PTPN9: variants seen among roughly 807,000 people sequenced by gnomAD.
The protein encoded by PTPN9 is protein tyrosine phosphatase non-receptor type 9.
Under a neutral mutation model 69.8 loss-of-function variants are expected in PTPN9, and 26 were observed. The ratio of observed to expected loss-of-function variants is 0.37; its 90% CI spans 0.27 to 0.52. PTPN9 has a LOEUF of 0.52. Ranked by LOEUF, PTPN9 falls within the 20% of genes least tolerant of loss-of-function variation. PTPN9 has a pLI of 0.91. For synonymous variants in PTPN9, 274 were observed against 272.5 expected, an observed-to-expected ratio of 1.01 and a Z score of -0.05; for missense variants, 549 against 740.3, an observed-to-expected ratio of 0.74 and a Z score of 3.00.
In PTPN9 at chr15:75,527,270, C is replaced by CAAAG. The variant is rs778459145; in HGVS notation, c.64-13_64-10dup. On this transcript the variant is annotated splice_polypyrimidine_tract_variant and intron_variant, in intron 1 of 12. Coordinates refer to ENST00000618819, the MANE Select transcript of PTPN9 (RefSeq NM_002833.4). ...AGAAACTGCTTGGTAGCCTGTTTGACAAAGAAAGAAAGAATAATTAGTAAG... is the reference window on the plus strand; with the variant it reads ...AGAAACTGCTTGGTAGCCTGTTTGACAAAGAAAGAAAGAAAGAATAATTAGTAAG... The CAAAG allele has an allele frequency of 6.2e-7, 1 of 1,612,886 alleles. No individual in the cohort carries two copies. The highest frequency in any genetic ancestry group is 1.3e-5 in the African/African-American group (1 of 74,850).
intron 7 of PTPN9, among the ~76,000 whole-genome samples, chr15:75,502,549 GTATGTATATATA>G (rs1451247259): frequency 6.6e-6 from 1 of 152,090 alleles, no homozygotes; most frequent in Non-Finnish European, 1.5e-5. Context: ...ATATATGTAT[GTATGTATATATA>G]GTTATCAACT....
chr15:75,550,006 G>A (rs1288515432), intron 1 of PTPN9, among the ~76,000 whole-genome samples: 2 of 148,786 alleles, frequency 1.3e-5, no homozygotes, highest in East Asian at 4.0e-4. Flanking sequence ...AAACTGTCTT[G>A]ATAAACTCCT....
At chr15:75,544,371 AC>A (rs1357867946) in intron 1 of PTPN9, among the ~76,000 whole-genome samples, 1 of 152,118 alleles carries the variant, frequency 6.6e-6, no homozygotes, top group Non-Finnish European at 1.5e-5. Context: ...AATCTCCACA[AC>A]ATATGAAAAT....
rs558931990 is a variant in PTPN9, at chr15:75,498,385, A to G, written c.968+7290T>C. On this transcript the variant is annotated intron_variant, in intron 7 of 12. Coordinates refer to ENST00000618819, the MANE Select transcript of PTPN9 (RefSeq NM_002833.4). ...TAGATTAGTGGTTGCAGGGGTTAGG[A>G]ATGGGGAGGTGGTGGGAAGGAGGTA... Among the ~76,000 whole-genome samples, 598 of 151,938 alleles carry G rather than the reference A, an allele frequency of 3.9e-3. 7 individuals carry two copies. The highest frequency in any genetic ancestry group is 0.014 in the African/African-American group (565 of 41,412).
At chr15:75,480,755 T>C (rs1430270270) in intron 8 of PTPN9, 57 of 1,242,686 alleles carry the variant, frequency 4.6e-5, no homozygotes, top group Non-Finnish European at 5.2e-5. Context: ...TCTCAGTCTT[T>C]GCCGCCGCGC....
intron 1 of PTPN9, among the ~76,000 whole-genome samples, chr15:75,545,793 A>T (rs1313709936): frequency 6.6e-6 from 1 of 152,200 alleles, no homozygotes; most frequent in African/African-American, 2.4e-5. Flanking sequence ...TACTAAAAAT[A>T]CAAAAATTAG....
chr15:75,548,650 A>C (rs1408671261), intron 1 of PTPN9, among the ~76,000 whole-genome samples: 2 of 148,804 alleles, frequency 1.3e-5, no homozygotes, highest in African/African-American at 5.0e-5. Flanking sequence ...AGACAAGGGG[A>C]AATTTTTTTT....
intron 6 of PTPN9, among the ~76,000 whole-genome samples, chr15:75,507,193 C>G (rs868081437): frequency 6.6e-6 from 1 of 152,104 alleles, no homozygotes; most frequent in Non-Finnish European, 1.5e-5. Flanking sequence ...CCTATAATCC[C>G]AGCACTTTGG....
In PTPN9 at chr15:75,517,264, G is replaced by A; in HGVS notation, c.523C>T (p.Leu175=). ...AGGGCCCTCCATAGCCTTACCTTCA[G>A]CAGGTTTAGGACTTTCTTGCCAAGA... The part of the protein sequence containing the change: ...LDLGKKVLNL[L]KGAFPARLKK... Residue 175 remains leucine, a synonymous_variant, in exon 5 of 13, where the codon CTG becomes TTG. Coordinates refer to ENST00000618819, the MANE Select transcript of PTPN9 (RefSeq NM_002833.4). 1 of 1,611,220 alleles carries A rather than the reference G, an allele frequency of 6.2e-7. No individual in the cohort carries two copies. Among genetic ancestry groups the A allele is most frequent in the Non-Finnish European group, 8.5e-7 (1 of 1,177,570 alleles).
At chr15:75,536,042 T>C (rs2074981092) in intron 1 of PTPN9, among the ~76,000 whole-genome samples, 1 of 152,226 alleles carries the variant, frequency 6.6e-6, no homozygotes, top group Admixed American at 6.5e-5. Flanking sequence ...TTAAATAGGC[T>C]CTTACTGCAT....
At chr15:75,532,490 A>G (rs2074967964) in intron 1 of PTPN9, among the ~76,000 whole-genome samples, 1 of 152,152 alleles carries the variant, frequency 6.6e-6, no homozygotes, top group South Asian at 2.1e-4. Context: ...ACTTCCTTCA[A>G]AGTACATCTT....
intron 1 of PTPN9, among the ~76,000 whole-genome samples, chr15:75,538,801 T>C (rs1052450313): frequency 1.3e-5 from 2 of 152,098 alleles, no homozygotes; most frequent in African/African-American, 4.8e-5. Context: ...AAAAGTATTA[T>C]AGGAATTTAG....
At chr15:75,530,708 TTATTA>T (rs1567506991) in intron 1 of PTPN9, among the ~76,000 whole-genome samples, 2,948 of 34,530 alleles carry the variant, frequency 0.085, 907 homozygotes, top group African/African-American at 0.29. Flanking sequence ...ATAATATATA[TTATTA>T]TATAATATAT....
intron 5 of PTPN9, among the ~76,000 whole-genome samples, chr15:75,511,866 T>C (rs763161671): frequency 7.4e-5 from 9 of 121,470 alleles, no homozygotes; most frequent in Non-Finnish European, 1.3e-4. Context: ...AGACTCACTT[T>C]AATATTTTTT....
rs1447877555 is a variant in PTPN9 at position 75,505,930 on chromosome 15, T to C, written c.713A>G (p.Tyr238Cys). The stretch of plus-strand genomic sequence containing the variant: ...CCAAGTGGCGAGATCAATTTTGACG[T>C]ACCCACCCAGGTTTTCTGGAAGACA... The part of the protein sequence containing the change: ...RECLPENLGG[Y>C]VKIDLATWNF... The change falls in exon 7 of 13, where the codon TAC becomes TGC. Residue 238 changes from tyrosine (Y) to cysteine (C), a missense_variant. By Grantham distance (194) the Tyr-to-Cys change is radical. This residue lies in a region of PTPN9 where 457 missense variants were observed against 661.9 expected (regional missense o/e 0.69). Transcript: ENST00000618819. The C allele has an allele frequency of 3.1e-6, 5 of 1,614,008 alleles. No homozygotes were observed. In the Middle Eastern group the frequency reaches 4.9e-4, roughly 160 times the overall value.
At chr15:75,573,730 T>C (rs1387993776) in intron 1 of PTPN9, among the ~76,000 whole-genome samples, 1 of 152,256 alleles carries the variant, frequency 6.6e-6, no homozygotes, top group Non-Finnish European at 1.5e-5. Context: ...CTAGGCAATG[T>C]GCATATGATG....
chr15:75,488,956 A>G (rs2074694170), intron 8 of PTPN9, among the ~76,000 whole-genome samples: 1 of 151,962 alleles, frequency 6.6e-6, no homozygotes, highest in African/African-American at 2.4e-5. Flanking sequence ...CGGGCGGATC[A>G]CGAGGTCAGG....
chr15:75,558,530 C>G (rs938557627), intron 1 of PTPN9, among the ~76,000 whole-genome samples: 2 of 151,950 alleles, frequency 1.3e-5, no homozygotes, highest in Non-Finnish European at 2.9e-5. Context: ...TCCCCCTCTC[C>G]CCACGGTCTC....
At chr15:75,560,261 T>C (rs2075098651) in intron 1 of PTPN9, among the ~76,000 whole-genome samples, 1 of 152,204 alleles carries the variant, frequency 6.6e-6, no homozygotes, top group African/African-American at 2.4e-5. Flanking sequence ...CTCTAGAGCA[T>C]TTAGAAATTA....
Sources: allele counts gnomAD v4.1 joint callset (sites outside exome capture counted in the v4.1 genomes callset), GRCh38; gene constraint gnomAD v4.1.1; regional missense constraint gnomAD v4.1.1; transcripts MANE v1.5; gene names NCBI Gene and HGNC (gene_info 2026-07-23, HGNC 2026-07-21).